Variants in SPATA13 observed in about 807,000 individuals in gnomAD.
The protein encoded by SPATA13 is spermatogenesis-associated protein 13.
In SPATA13, 50 loss-of-function variants were observed where a neutral mutation model predicts 104.0. The observed-to-expected ratio is 0.48, with a 90% CI of 0.38 to 0.61. SPATA13 has a LOEUF of 0.61. Among genes scored for constraint, SPATA13 ranks in the 20% least tolerant of loss-of-function variants. The pLI is 0.00. For synonymous variants in SPATA13, 606 were observed against 667.5 expected, an observed-to-expected ratio of 0.91 and a Z score of 1.42; for missense variants, 1,524 against 1,690.6, an observed-to-expected ratio of 0.90 and a Z score of 1.73.
chr13:24,205,332 C>T lies in SPATA13; in HGVS notation c.-111-17487C>T, dbSNP rs1346931935. Among the ~76,000 whole-genome samples the T allele has an allele frequency of 2.0e-5, 3 of 152,174 alleles. No individual in the cohort carries two copies. Among genetic ancestry groups the T allele is most frequent in the Non-Finnish European group, 4.4e-5 (3 of 68,036 alleles). ...AGAAAGCCAAGCCATGAAAGAATTT[C>T]CATTTACAATTGCCACCAAAACAAT... On this transcript the variant is annotated intron_variant, in intron 1 of 12. Coordinates refer to ENST00000382108, the MANE Select transcript of SPATA13 (RefSeq NM_001166271.3). This position sits in a 1 kb window ranked among gnomAD's most constrained non-coding sequence, Gnocchi z 4.1.
chr13:24,197,992 G>GTGTT (rs749893612), intron 1 of SPATA13, among the ~76,000 whole-genome samples: 30 of 138,984 alleles, frequency 2.2e-4, no homozygotes, highest in African/African-American at 6.7e-4. Context: ...CTGTTACCTC[G>GTGTT]TGTTTGTTTG....
At chr13:24,095,535 C>T (rs1251045612) in intron 3 of SPATA13, among the ~76,000 whole-genome samples, 3 of 152,032 alleles carry the variant, frequency 2.0e-5, no homozygotes, top group Non-Finnish European at 2.9e-5. Context: ...CCTGATGCCA[C>T]GGAGCTATAC....
At chr13:24,242,348 G>A (rs892313249) in intron 2 of SPATA13, among the ~76,000 whole-genome samples, 1 of 152,190 alleles carries the variant, frequency 6.6e-6, no homozygotes, top group African/African-American at 2.4e-5. Context: ...AATACATAGA[G>A]CAGAAGCCAG....
At chr13:24,248,886 T>TC (rs1363792978) in intron 2 of SPATA13, among the ~76,000 whole-genome samples, 2 of 151,420 alleles carry the variant, frequency 1.3e-5, no homozygotes, top group African/African-American at 2.4e-5. Flanking sequence ...TGATTTTCTT[T>TC]TTTTTTTTTT....
chr13:24,199,573 CTG>C (rs1870284248), intron 1 of SPATA13, among the ~76,000 whole-genome samples: 1 of 152,094 alleles, frequency 6.6e-6, no homozygotes, highest in African/African-American at 2.4e-5. Flanking sequence ...TGTGGTTTGT[CTG>C]TGTTTCTTTT....
chr13:24,294,895 C>A, intron 10 of SPATA13, 27 bp downstream of exon 10: 3 of 1,588,188 alleles, frequency 1.9e-6, no homozygotes, highest in Non-Finnish European at 2.6e-6. Flanking sequence ...CCACATGATC[C>A]CATGCCACTC....
At chr13:24,064,461 G>A (rs1278657190) in intron 3 of SPATA13, among the ~76,000 whole-genome samples, 3 of 152,070 alleles carry the variant, frequency 2.0e-5, no homozygotes, top group Non-Finnish European at 2.9e-5. Flanking sequence ...GAGGTGAGGC[G>A]CTTGGGAGGT....
intron 2 of SPATA13, among the ~76,000 whole-genome samples, chr13:24,248,022 C>G (rs1414151436): frequency 2.0e-5 from 3 of 152,214 alleles, no homozygotes; most frequent in Non-Finnish European, 4.4e-5. Context: ...GTTGTCCTCC[C>G]TGGGCCCATG....
In SPATA13 at chr13:24,198,069, T is replaced by C. The variant is rs141773173; in HGVS notation, c.-111-24750T>C. On this transcript the variant is annotated intron_variant, in intron 1 of 12. Coordinates refer to ENST00000382108, the MANE Select transcript of SPATA13 (RefSeq NM_001166271.3). ...GGAGTGCAGTGGCATGATCTCTGCT[T>C]ACTGCAACCTCCACCTCCCGGATTC... Among the ~76,000 whole-genome samples the C allele has an allele frequency of 2.0e-3, 309 of 152,176 alleles. 2 individuals are homozygous for C. Among genetic ancestry groups the C allele is most frequent in the African/African-American group, 6.1e-3 (255 of 41,510 alleles).
intron 1 of SPATA13, among the ~76,000 whole-genome samples, chr13:24,212,286 C>A (rs1871065450): frequency 1.2e-5 from 1 of 81,618 alleles, no homozygotes; most frequent in Non-Finnish European, 2.6e-5. Flanking sequence ...CAGAGTGAGA[C>A]CCTGTTTAAG....
At chr13:24,119,819 C>G (rs1880976526) in intron 3 of SPATA13, among the ~76,000 whole-genome samples, 1 of 152,188 alleles carries the variant, frequency 6.6e-6, no homozygotes. Flanking sequence ...CCAGCCCCCA[C>G]CGTGCATGGC....
intron 2 of SPATA13, among the ~76,000 whole-genome samples, chr13:24,234,394 A>G (rs1040142498): frequency 6.6e-6 from 1 of 152,184 alleles, no homozygotes; most frequent in East Asian, 1.9e-4. Flanking sequence ...GATGACTAAG[A>G]AACTGATTTC....
At chr13:24,138,026 C>A (rs369840337) in intron 3 of SPATA13, among the ~76,000 whole-genome samples, 73 of 152,028 alleles carry the variant, frequency 4.8e-4, no homozygotes, top group African/African-American at 1.7e-3. Flanking sequence ...CTGGGCCAGG[C>A]GTAGTGGCTC....
chr13:24,094,911 T>G (rs1489423904), intron 3 of SPATA13, among the ~76,000 whole-genome samples: 1 of 152,078 alleles, frequency 6.6e-6, no homozygotes, highest in Non-Finnish European at 1.5e-5. Flanking sequence ...AAATACTAAG[T>G]GTTGGTGAGG....
chr13:24,300,569 G>A, intron 12 of SPATA13, 94 bp downstream of exon 12: 1 of 1,119,334 alleles, frequency 8.9e-7, no homozygotes, highest in Non-Finnish European at 1.3e-6. Context: ...TGACCAGCTT[G>A]GAGCAAGGAG....
intron 2 of SPATA13, among the ~76,000 whole-genome samples, chr13:24,010,538 C>T (rs1372141925): frequency 6.6e-6 from 1 of 150,494 alleles, no homozygotes; most frequent in Non-Finnish European, 1.5e-5. Context: ...CCCAGCTTGA[C>T]TTTTCCCTTG....
At chr13:24,275,358 G>A (rs528677953) in intron 4 of SPATA13, among the ~76,000 whole-genome samples, 2 of 152,360 alleles carry the variant, frequency 1.3e-5, no homozygotes, top group South Asian at 4.1e-4. Flanking sequence ...TATTGAACAA[G>A]AGCATTATAA....
At chr13:24,199,165 A>G (rs115361849) in intron 1 of SPATA13, among the ~76,000 whole-genome samples, 3,791 of 152,204 alleles carry the variant, frequency 0.025, 164 homozygotes, top group African/African-American at 0.087. Flanking sequence ...CTGGGATTAC[A>G]GGCCTGAGCC....
upstream of SPATA13, chr13:24,160,589 T>C (rs1410418287): frequency 8.9e-5 from 31 of 347,282 alleles, no homozygotes; most frequent in Non-Finnish European, 1.1e-4. Context: ...TGGTTGGTAG[T>C]GTGGGGGCGT....
Sources: gnomAD v4.1 joint callset for allele counts (sites outside exome capture counted in the v4.1 genomes callset) on GRCh38, gnomAD v4.1.1 for gene constraint, Gnocchi (gnomAD v3.1) non-coding constraint, MANE v1.5 for transcripts, NCBI Gene and HGNC (gene_info 2026-07-23, HGNC 2026-07-21) for gene names.